Variants in KCNH8 observed in about 807,000 individuals in gnomAD.
KCNH8 encodes the protein potassium voltage-gated channel subfamily H member 8, also known as voltage-gated delayed rectifier potassium channel KCNH8.
Under a neutral mutation model 103.6 loss-of-function variants are expected in KCNH8, and 70 were observed. The observed-to-expected ratio is 0.68, with a 90% confidence interval of 0.56 to 0.82. The LOEUF (loss-of-function observed/expected upper bound fraction) is 0.82, where lower values mean the gene tolerates loss of function less well. Among genes scored for constraint, KCNH8 ranks in the 40% least tolerant of loss-of-function variants. The pLI is 0.00. For synonymous variants in KCNH8, 498 were observed against 489.4 expected (o/e 1.02, Z -0.23); for missense variants, 1,217 against 1,329.9 (o/e 0.92, Z 1.32).
intron 15 of KCNH8, among the ~76,000 whole-genome samples, chr3:19,526,571 C>G (rs758889123): frequency 6.6e-6 from 1 of 151,838 alleles, no homozygotes; most frequent in Non-Finnish European, 1.5e-5. Context: ...TGTGTTTACA[C>G]CAAAAAACAC....
At chr3:19,292,039 A>G (rs1181254300) in intron 3 of KCNH8, among the ~76,000 whole-genome samples, 2 of 152,184 alleles carry the variant, frequency 1.3e-5, no homozygotes, top group African/African-American at 4.8e-5. Context: ...AATTTTCCAA[A>G]CATTTTTCAC....
Position 19,451,293 on chromosome 3 carries a change from T to G in KCNH8, c.1714T>G (p.Cys572Gly). 6.2e-7 allele frequency: 1 copy of G among 1,613,994 alleles called. No individual in the cohort carries two copies. Among genetic ancestry groups the G allele is most frequent in the Non-Finnish European group, 8.5e-7 (1 of 1,179,916 alleles). The change falls in exon 10 of 16, where the codon TGT becomes GGT. Residue 572 changes from cysteine to glycine, a missense_variant. Coordinates refer to ENST00000328405, the MANE Select transcript of KCNH8 (RefSeq NM_144633.3). ...GTCTCTACACATCAAAACCTCTTTCTGTGCTCCGGGGGAGTATCTGCTGCG... is the reference window on the plus strand; with the variant it reads ...GTCTCTACACATCAAAACCTCTTTCGGTGCTCCGGGGGAGTATCTGCTGCG... ...SLSLHIKTSF[C>G]APGEYLLRQG...
At position 19,327,423 on chromosome 3, in the gene KCNH8, G is replaced by A. The variant is rs2065439462; in HGVS notation, c.443-15164G>A. 2.6e-5 allele frequency among the ~76,000 whole-genome samples: 4 copies of A among 152,094 alleles called. 1 individual carries two copies. The South Asian group carries it at 8.3e-4, about 32-fold the overall frequency. ...TCCTGTCTGAGCCTCCCAAGTAGCT[G>A]GGATAACAGGCACACACAACCATGT... On this transcript the variant is annotated intron_variant, in intron 3 of 15. Coordinates refer to ENST00000328405, the MANE Select transcript of KCNH8 (RefSeq NM_144633.3).
Position 19,148,660 on chromosome 3 carries a change from T to C in KCNH8, c.-60T>C. 1.3e-6 allele frequency: 2 copies of C among 1,546,818 alleles called. No homozygotes were observed. The highest frequency in any genetic ancestry group is 1.4e-5 in the African/African-American group (1 of 73,832). On this transcript the variant is annotated 5_prime_UTR_variant, in exon 1 of 16. Coordinates refer to ENST00000328405, the MANE Select transcript of KCNH8 (RefSeq NM_144633.3). Reference sequence around the variant, plus strand: ...TTCCCCTTCTCCCTTCTTGGCACTTTCCTTTCGAACCATCCTTCTGGACAA... The same window carrying C: ...TTCCCCTTCTCCCTTCTTGGCACTTCCCTTTCGAACCATCCTTCTGGACAA...
chr3:19,419,194 G>GTTTTTTTTTTTT (rs1491504046), intron 7 of KCNH8, among the ~76,000 whole-genome samples: 1 of 64,118 alleles, frequency 1.6e-5, no homozygotes, highest in African/African-American at 7.1e-5. Context: ...AAATGGTTTT[G>GTTTTTTTTTTTT]GTTTTTTTTT....
intron 11 of KCNH8, among the ~76,000 whole-genome samples, chr3:19,495,215 C>T (rs2068413736): frequency 6.6e-6 from 1 of 152,086 alleles, no homozygotes; most frequent in Admixed American, 6.6e-5. Context: ...TCCCATTTGT[C>T]AATTTTTGCC....
intron 3 of KCNH8, among the ~76,000 whole-genome samples, chr3:19,326,372 T>C (rs2065424596): frequency 1.4e-5 from 2 of 147,386 alleles, no homozygotes; most frequent in South Asian, 4.2e-4. Context: ...TATATATATA[T>C]ATATATATAT....
chr3:19,329,869 TC>T (rs1303767009), intron 3 of KCNH8, among the ~76,000 whole-genome samples: 20 of 151,500 alleles, frequency 1.3e-4, no homozygotes, highest in Non-Finnish European at 1.3e-4. Context: ...GCAGTCCCTG[TC>T]CCCCGTCCAG....
chr3:19,411,788 C>T lies in KCNH8; in HGVS notation c.1177+16477C>T, dbSNP rs2066784055. ...CCACACACACACAGACACACACACA[C>T]ACACACACAGACTACGAATACATCA... On this transcript the variant is annotated intron_variant, in intron 7 of 15. Coordinates refer to ENST00000328405, the MANE Select transcript of KCNH8 (RefSeq NM_144633.3). Among the ~76,000 whole-genome samples, 2 of 151,474 alleles carry T rather than the reference C, an allele frequency of 1.3e-5. 1 individual carries two copies. The highest frequency in any genetic ancestry group is 4.2e-4 in the South Asian group (2 of 4,806).
intron 3 of KCNH8, among the ~76,000 whole-genome samples, chr3:19,340,562 CTTTA>C (rs958301085): frequency 4.6e-5 from 7 of 151,792 alleles, no homozygotes; most frequent in South Asian, 2.1e-4. Context: ...AACATAACCA[CTTTA>C]TTTATTTTTC....
intron 7 of KCNH8, among the ~76,000 whole-genome samples, chr3:19,426,045 G>A (rs2067024289): frequency 6.6e-6 from 1 of 152,180 alleles, no homozygotes; most frequent in South Asian, 2.1e-4. Context: ...AGAATCATGT[G>A]TTCCTGGATT....
In KCNH8 at chr3:19,249,574, G is replaced by C. The variant is rs148069769; in HGVS notation, c.77-4080G>C. Among the ~76,000 whole-genome samples the C allele has an allele frequency of 6.7e-3, 1,018 of 152,222 alleles. 11 individuals are homozygous for C. Among genetic ancestry groups the C allele is most frequent in the African/African-American group, 0.022 (917 of 41,538 alleles). ...CTCAGTGAATCCTTCAGCATCTTTT[G>C]TCAAAAGTTTATTGTAGCTCTGAGG... On this transcript the variant is annotated intron_variant, in intron 1 of 15. Coordinates refer to ENST00000328405, the MANE Select transcript of KCNH8 (RefSeq NM_144633.3).
At chr3:19,149,933 G>A (rs545085963) in intron 1 of KCNH8, among the ~76,000 whole-genome samples, 2 of 152,200 alleles carry the variant, frequency 1.3e-5, no homozygotes, top group East Asian at 3.9e-4. Flanking sequence ...CTTATCTTTG[G>A]GTGGGAAGCA....
chr3:19,174,665 A>G (rs533284850), intron 1 of KCNH8, among the ~76,000 whole-genome samples: 1 of 152,302 alleles, frequency 6.6e-6, no homozygotes, highest in South Asian at 2.1e-4. Flanking sequence ...TTAGTTAGGC[A>G]TTTACTACAC....
rs76929473 is a variant in KCNH8 at position 19,348,690 on chromosome 3, T to C, written c.811+725T>C. ...CACAGATTGACTCCCTGTTGAGTTA[T>C]TGACTGTCATTAGCAGCTGATACCT... On this transcript the variant is annotated intron_variant, in intron 5 of 15. Transcript: ENST00000328405. Among the ~76,000 whole-genome samples, 43 of 152,166 alleles carry C rather than the reference T, an allele frequency of 2.8e-4. 1 individual carries two copies. In the East Asian group the frequency reaches 8.0e-3, roughly 28 times the overall value.
At chr3:19,293,697 A>G (rs1288200372) in intron 3 of KCNH8, among the ~76,000 whole-genome samples, 5 of 152,240 alleles carry the variant, frequency 3.3e-5, no homozygotes, top group Non-Finnish European at 7.3e-5. Flanking sequence ...ATCTGAAACA[A>G]CATTACTAAA....
At chr3:19,350,241 C>G (rs2065781654) in intron 5 of KCNH8, among the ~76,000 whole-genome samples, 1 of 152,012 alleles carries the variant, frequency 6.6e-6, no homozygotes, top group Non-Finnish European at 1.5e-5. Context: ...AGTTAAAATA[C>G]TGGGGACAAA....
intron 12 of KCNH8, 53 bp from the exon 13 acceptor site, chr3:19,512,917 C>A (rs994545925): frequency 9.9e-6 from 15 of 1,510,050 alleles, no homozygotes; most frequent in Non-Finnish European, 1.4e-5. Context: ...TAATGATATA[C>A]CTTTTCTGCG....
chr3:19,531,355 T>G (rs910034274), intron 15 of KCNH8, among the ~76,000 whole-genome samples: 1 of 152,232 alleles, frequency 6.6e-6, no homozygotes, highest in Non-Finnish European at 1.5e-5. Context: ...ATTCATGTGC[T>G]TTAGAATTGA....
Sources: allele counts gnomAD v4.1 joint callset (sites outside exome capture counted in the v4.1 genomes callset), GRCh38; gene constraint gnomAD v4.1.1; transcripts MANE v1.5; gene names NCBI Gene and HGNC (gene_info 2026-07-23, HGNC 2026-07-21).